PRKCB: variants seen among roughly 807,000 people sequenced by gnomAD.
The protein encoded by PRKCB is protein kinase C beta.
In PRKCB, 13 loss-of-function variants were observed where a neutral mutation model predicts 81.5. The ratio of observed to expected loss-of-function variants is 0.16; its 90% confidence interval spans 0.10 to 0.25. PRKCB has a LOEUF of 0.25. PRKCB is among the 10% of genes least tolerant of loss of function. PRKCB has a pLI of 1.00. For synonymous variants in PRKCB, 335 were observed against 321.4 expected, an observed-to-expected ratio of 1.04 and a Z score of -0.45; for missense variants, 509 against 875.7, an observed-to-expected ratio of 0.58 and a Z score of 5.29.
intron 3 of PRKCB, among the ~76,000 whole-genome samples, chr16:24,024,919 T>G (rs917037017): frequency 6.6e-6 from 1 of 151,652 alleles, no homozygotes; most frequent in African/African-American, 2.4e-5. Flanking sequence ...TTAAGCTCTT[T>G]CAGGTAGCAG....
chr16:23,993,105 A>G (rs1964909273), intron 3 of PRKCB, among the ~76,000 whole-genome samples: 4 of 152,136 alleles, frequency 2.6e-5, no homozygotes, highest in Admixed American at 2.6e-4. Context: ...AAGTCCTAGC[A>G]GGCTCCTAAA....
intron 8 of PRKCB, among the ~76,000 whole-genome samples, chr16:24,120,140 C>T (rs148047765): frequency 1.9e-4 from 29 of 152,234 alleles, no homozygotes; most frequent in African/African-American, 5.8e-4. Flanking sequence ...AATTCAAGAA[C>T]AGACAAAACT....
At position 24,146,117 on chromosome 16, in the gene PRKCB, C is replaced by T. The variant is rs8061303; in HGVS notation, c.1066-8567C>T. The stretch of plus-strand genomic sequence containing the variant: ...GCGCTTAAAAGCCAGGGAGTGCCAA[C>T]GGTAGCTGGCAGCCAGCAGGACCTA... On this transcript the variant is annotated intron_variant, in intron 9 of 16. Coordinates refer to ENST00000643927, the MANE Select transcript of PRKCB (RefSeq NM_002738.7). 2.7e-3 allele frequency among the ~76,000 whole-genome samples: 417 copies of T among 152,254 alleles called. 3 individuals carry two copies. Among genetic ancestry groups the T allele is most frequent in the African/African-American group, 9.6e-3 (397 of 41,542 alleles).
intron 10 of PRKCB, among the ~76,000 whole-genome samples, chr16:24,160,105 C>T (rs999592365): frequency 1.3e-5 from 2 of 151,904 alleles, no homozygotes; most frequent in African/African-American, 2.4e-5. Flanking sequence ...AACTGACCCC[C>T]AGAAAGATGA....
At chr16:23,961,140 C>T (rs1357906237) in intron 2 of PRKCB, among the ~76,000 whole-genome samples, 4 of 152,040 alleles carry the variant, frequency 2.6e-5, no homozygotes, top group Non-Finnish European at 5.9e-5. Flanking sequence ...GAATCCTAGG[C>T]TCAAGCGATC....
At chr16:24,009,223 G>A (rs1965168337) in intron 3 of PRKCB, among the ~76,000 whole-genome samples, 1 of 152,158 alleles carries the variant, frequency 6.6e-6, no homozygotes, top group South Asian at 2.1e-4. Context: ...AGAGGTGAGG[G>A]TGCTGAATCA....
chr16:24,179,038 T>A (rs1967578895), intron 12 of PRKCB, among the ~76,000 whole-genome samples: 1 of 152,214 alleles, frequency 6.6e-6, no homozygotes, highest in Non-Finnish European at 1.5e-5. Context: ...TCTTTTCATC[T>A]GGTGACCCCT....
chr16:24,010,249 G>A (rs372226511), intron 3 of PRKCB, among the ~76,000 whole-genome samples: 154 of 152,290 alleles, frequency 1.0e-3, no homozygotes, highest in African/African-American at 3.3e-3. Flanking sequence ...ACTCAGCTCC[G>A]TTTCCTAATT....
intron 7 of PRKCB, among the ~76,000 whole-genome samples, chr16:24,112,771 A>C (rs978444418): frequency 1.2e-4 from 19 of 152,160 alleles, no homozygotes; most frequent in African/African-American, 4.6e-4. Flanking sequence ...AAGAGTTACA[A>C]AAATACATAG....
chr16:23,911,139 T>TTTTTTTTTTTTTTTTTTC (rs1231410670), intron 2 of PRKCB, among the ~76,000 whole-genome samples: 1 of 113,330 alleles, frequency 8.8e-6, no homozygotes, highest in Non-Finnish European at 1.8e-5. Flanking sequence ...TTTTTTTTTT[T>TTTTTTTTTTTTTTTTTTC]TTTTTTTTTT....
chr16:23,858,654 G>A (rs1962613739), intron 2 of PRKCB, among the ~76,000 whole-genome samples: 1 of 152,038 alleles, frequency 6.6e-6, no homozygotes, highest in Non-Finnish European at 1.5e-5. Context: ...CATTGGCCAC[G>A]TGATCACAGT....
chr16:23,920,364 C>A (rs1963805887), intron 2 of PRKCB, among the ~76,000 whole-genome samples: 1 of 152,156 alleles, frequency 6.6e-6, no homozygotes, highest in Admixed American at 6.6e-5. Flanking sequence ...TTCAAGCAAG[C>A]CAACTAGAAT....
intron 11 of PRKCB, among the ~76,000 whole-genome samples, chr16:24,173,021 T>C (rs1967468126): frequency 6.6e-6 from 1 of 152,126 alleles, no homozygotes; most frequent in Admixed American, 6.5e-5. Flanking sequence ...TTGCCCAAAA[T>C]CATGGAGCTA....
Position 24,219,736 on chromosome 16 carries a change from GACTT to G in PRKCB, c.*4925_*4928del. 1 of 1,353,142 alleles carries G rather than the reference GACTT, an allele frequency of 7.4e-7. No homozygotes were observed. The highest frequency in any genetic ancestry group is 9.5e-7 in the Non-Finnish European group (1 of 1,052,734). The allele number at this position is 1,353,142 out of a possible 1,614,324, so 83.8% of individuals were successfully genotyped here. On this transcript the variant is annotated 3_prime_UTR_variant, in exon 17 of 17. Transcript: ENST00000643927. Reference sequence around the variant, plus strand: ...TGGCAATTCTTAACTGACATTCAATGACTTACTTCTTTTCTTAGAAAATTTCCAC... The same window carrying G: ...TGGCAATTCTTAACTGACATTCAATGACTTCTTTTCTTAGAAAATTTCCAC...
chr16:24,131,977 C>G (rs781541099), intron 9 of PRKCB, among the ~76,000 whole-genome samples: 1 of 152,196 alleles, frequency 6.6e-6, no homozygotes, highest in Non-Finnish European at 1.5e-5. Context: ...CATCCCCCTC[C>G]TCCATATCCT....
At chr16:23,872,052 C>T (rs543210441) in intron 2 of PRKCB, among the ~76,000 whole-genome samples, 4 of 152,300 alleles carry the variant, frequency 2.6e-5, no homozygotes, top group South Asian at 4.1e-4. Flanking sequence ...TTGTCAAGAA[C>T]ATGCTACATC....
rs60615678 is a variant in PRKCB, at chr16:23,862,216, A to G, written c.205+24810A>G. On this transcript the variant is annotated intron_variant, in intron 2 of 16. Coordinates refer to ENST00000643927, the MANE Select transcript of PRKCB (RefSeq NM_002738.7). ...GGCCATTGACTTGGTTGGACAGTAG[A>G]CTGTCTCTGGGACACCAGCTCAGAT... Among the ~76,000 whole-genome samples the G allele has an allele frequency of 6.7e-4, 102 of 152,256 alleles. 1 individual carries two copies. In the East Asian group the frequency reaches 0.017, roughly 25 times the overall value.
At chr16:24,184,998 A>G (rs1967681523) in intron 13 of PRKCB, 113 bp from the exon 14 acceptor site, 5 of 876,326 alleles carry the variant, frequency 5.7e-6, no homozygotes, top group South Asian at 5.7e-5. Flanking sequence ...AATAGCTAAT[A>G]TAAAGAAACA....
intron 5 of PRKCB, 81 bp downstream of exon 5, chr16:24,035,628 G>A (rs1256258705): frequency 2.1e-6 from 3 of 1,398,528 alleles, no homozygotes; most frequent in East Asian, 2.5e-5. Flanking sequence ...GGAGGGGTGG[G>A]GCAGTCCAGT....
Sources: gnomAD v4.1 joint callset for allele counts (sites outside exome capture counted in the v4.1 genomes callset) on GRCh38, gnomAD v4.1.1 for gene constraint, MANE v1.5 for transcripts, NCBI Gene and HGNC (gene_info 2026-07-23, HGNC 2026-07-21) for gene names.